The following NAE1 variants were observed in gnomAD, a reference collection of about 807,000 sequenced individuals.
The protein encoded by NAE1 is NEDD8 activating enzyme E1 subunit 1.
In NAE1, 59 loss-of-function variants were observed where a neutral mutation model predicts 88.0. That is an observed-to-expected ratio of 0.67 (90% CI 0.54 to 0.83). The LOEUF is 0.83. Ranked by LOEUF, NAE1 falls within the 40% of genes least tolerant of loss-of-function variation. The pLI, the probability that NAE1 is intolerant of heterozygous loss-of-function variation, is 0.00. For missense variants in NAE1, 554 were observed against 632.8 expected (o/e 0.88, Z 1.34); for synonymous variants, 186 against 208.9 (o/e 0.89, Z 0.95).
chr16:66,805,205 G>A (rs1959514824), intron 19 of NAE1, among the ~76,000 whole-genome samples: 1 of 152,100 alleles, frequency 6.6e-6, no homozygotes, highest in Non-Finnish European at 1.5e-5. Context: ...AACCAAGGCT[G>A]GAAAGGCCGA....
Position 66,821,542 on chromosome 16 carries a change from G to T in NAE1, c.419C>A (p.Ala140Glu). 1 of 1,597,714 alleles carries T rather than the reference G, an allele frequency of 6.3e-7. No homozygotes were observed. The highest frequency in any genetic ancestry group is 1.2e-5 in the South Asian group (1 of 86,848). The change falls in exon 7 of 20, where the codon GCA becomes GAA. Residue 140 changes from alanine to glutamate, a missense_variant. Coordinates refer to ENST00000290810, the MANE Select transcript of NAE1 (RefSeq NM_003905.4). ...AATCTGGGAATTCCAGAGGACATCT[G>T]CTAAGCGTAGTGAAGTGCTGTTTAA... The part of the protein sequence containing the change: ...QLPESTSLRL[A>E]DVLWNSQIPL...
chr16:66,825,307 C>T (rs895653772), intron 3 of NAE1, among the ~76,000 whole-genome samples: 2 of 151,856 alleles, frequency 1.3e-5, no homozygotes, highest in South Asian at 2.1e-4. Context: ...ATTAGCCGGG[C>T]GTGGTGGCGG....
chr16:66,822,679 T>A (rs1221717051), intron 6 of NAE1, among the ~76,000 whole-genome samples: 3 of 149,240 alleles, frequency 2.0e-5, no homozygotes, highest in African/African-American at 7.3e-5. Flanking sequence ...TATTTATTTT[T>A]TTTTTTTGAG....
chr16:66,808,528 T>G lies in NAE1; in HGVS notation c.1323A>C (p.Arg441Ser). 3 of 1,564,764 alleles carry G rather than the reference T, an allele frequency of 1.9e-6. No homozygotes were observed. Among genetic ancestry groups the G allele is most frequent in the Non-Finnish European group, 1.8e-6 (2 of 1,140,064 alleles). ...AVDRFHKQQG[R>S]YPGVSNYQVE... ...TTCAATTGCTATTCTTACCTGGATA[T>G]CTACCCTGTTGTTTATGAAATCTAT... Residue 441 changes from arginine to serine, a missense_variant, in exon 17 of 20, where the codon AGA (arginine) becomes AGC (serine). Arg to Ser is a moderately radical substitution (Grantham distance 110, BLOSUM62 -1). Coordinates refer to ENST00000290810, the MANE Select transcript of NAE1 (RefSeq NM_003905.4).
chr16:66,814,096 T>TA, intron 11 of NAE1, among the ~76,000 whole-genome samples: 1 of 152,118 alleles, frequency 6.6e-6, no homozygotes, highest in East Asian at 1.9e-4. Context: ...ATAAATGGGG[T>TA]AAAGAAGGGG....
At chr16:66,819,855 T>C (rs1960184262) in intron 7 of NAE1, among the ~76,000 whole-genome samples, 1 of 152,220 alleles carries the variant, frequency 6.6e-6, no homozygotes, top group African/African-American at 2.4e-5. Context: ...TTCATTATTA[T>C]CTACCCTCTC....
Position 66,805,974 on chromosome 16 carries a change from GAGACA to G in NAE1, c.1378_1382del (p.Cys460HisfsTer16). 6.2e-7 allele frequency: 1 copy of G among 1,613,500 alleles called. No individual in the cohort carries two copies. Among genetic ancestry groups the G allele is most frequent in the Non-Finnish European group, 8.5e-7 (1 of 1,179,810 alleles). ...AACCATATTCCTGAAGGAAGCCAGT[GAGACA>G]AGACTTCAACTTTCCTATATCTTCT... On this transcript the variant is annotated frameshift_variant, in exon 18 of 20. Transcript: ENST00000290810. LOFTEE classifies it high-confidence loss of function.
At chr16:66,823,996 CA>C (rs1420491809) in intron 4 of NAE1, among the ~76,000 whole-genome samples, 9 of 152,210 alleles carry the variant, frequency 5.9e-5, no homozygotes, top group Admixed American at 4.6e-4. Context: ...CTTGACCTCC[CA>C]AAGTGCTGAG....
intron 13 of NAE1, among the ~76,000 whole-genome samples, chr16:66,812,246 C>G (rs1443095588): frequency 6.6e-6 from 1 of 152,098 alleles, no homozygotes; most frequent in Non-Finnish European, 1.5e-5. Flanking sequence ...GCTATCTGAC[C>G]TTGTATAAGT....
chr16:66,805,551 T>A (rs764453700), intron 19 of NAE1: 50 of 388,624 alleles, frequency 1.3e-4, no homozygotes, highest in Non-Finnish European at 2.0e-4. Flanking sequence ...AGGCGAGAGA[T>A]CACTTGAGCC....
rs111780745 is a variant in NAE1, at chr16:66,807,159, A to G, written c.1331-1133T>C. On this transcript the variant is annotated intron_variant, in intron 17 of 19. Transcript: ENST00000290810. ...GCTCAAGCAACTGCATGCCTCCCCA[A>G]GGAGAACTGCCTGAGACCAGGCAAC... Among the ~76,000 whole-genome samples, 1,137 of 152,314 alleles carry G rather than the reference A, an allele frequency of 7.5e-3. 9 individuals are homozygous for G. The highest frequency in any genetic ancestry group is 0.012 in the Non-Finnish European group (815 of 68,014).
At chr16:66,823,035 G>A (rs1960330817) in intron 6 of NAE1, among the ~76,000 whole-genome samples, 192 bp downstream of exon 6, 1 of 146,792 alleles carries the variant, frequency 6.8e-6, no homozygotes, top group South Asian at 2.1e-4. Context: ...GGGAGGCCGA[G>A]GAGGGTGCAT....
chr16:66,826,873 G>T, intron 1 of NAE1, 93 bp from the exon 2 acceptor site: 1 of 1,127,630 alleles, frequency 8.9e-7, no homozygotes, highest in Non-Finnish European at 1.3e-6. Flanking sequence ...TCCTTGCATA[G>T]ACTGATATGA....
intron 1 of NAE1, chr16:66,828,123 G>GA: frequency 7.0e-7 from 1 of 1,421,180 alleles, no homozygotes. Context: ...CTCCATCAAA[G>GA]TATGGCACGT....
intron 13 of NAE1, chr16:66,813,331 A>G (rs905636407): frequency 4.5e-6 from 2 of 447,994 alleles, no homozygotes; most frequent in Non-Finnish European, 7.9e-6. Context: ...GTAGAGATGG[A>G]AGTCTCACTA....
In NAE1 at chr16:66,805,829, A is replaced by G. The variant is rs767559684; in HGVS notation, c.1446-3T>C. 2.7e-5 allele frequency: 42 copies of G among 1,553,574 alleles called. No homozygotes were observed. Among genetic ancestry groups the G allele is most frequent in the African/African-American group, 1.2e-4 (9 of 72,240 alleles). Reference sequence around the variant, plus strand: ...GCTCAGCAGCTCCATATCGGCAACTAAAGGAGACCACAGAGACATGAATTT... The same window carrying G: ...GCTCAGCAGCTCCATATCGGCAACTGAAGGAGACCACAGAGACATGAATTT... On this transcript the variant is annotated splice_region_variant and splice_polypyrimidine_tract_variant and intron_variant, in intron 18 of 19. Coordinates refer to ENST00000290810, the MANE Select transcript of NAE1 (RefSeq NM_003905.4).
At chr16:66,818,785 C>A in intron 7 of NAE1, 148 bp from the exon 8 acceptor site, 1 of 1,121,990 alleles carries the variant, frequency 8.9e-7, no homozygotes, top group Non-Finnish European at 1.2e-6. Flanking sequence ...ATCCTCCCAC[C>A]TCAGCCTCCT....
chr16:66,827,948 G>C, intron 1 of NAE1: 1 of 1,572,254 alleles, frequency 6.4e-7, no homozygotes, highest in South Asian at 1.1e-5. Flanking sequence ...AGCCTCTAGA[G>C]TTGCTGGGAC....
At chr16:66,805,650 AAG>A in intron 19 of NAE1, 125 bp downstream of exon 19, 3 of 835,816 alleles carry the variant, frequency 3.6e-6, no homozygotes, top group Non-Finnish European at 3.3e-6. Flanking sequence ...AAAAAAAAAA[AAG>A]AAAGAAATAT....
Sources: gnomAD v4.1 joint callset for allele counts (sites outside exome capture counted in the v4.1 genomes callset) on GRCh38, gnomAD v4.1.1 for gene constraint, MANE v1.5 for transcripts, NCBI Gene and HGNC (gene_info 2026-07-23, HGNC 2026-07-21) for gene names.